RGL1: variants seen among roughly 807,000 people sequenced by gnomAD.
RGL1 encodes ral guanine nucleotide dissociation stimulator-like 1.
In RGL1, 24 loss-of-function variants were observed where a neutral mutation model predicts 95.2. That is an observed-to-expected ratio of 0.25 (90% CI 0.18 to 0.35). The LOEUF (loss-of-function observed/expected upper bound fraction) is 0.35. Among genes scored for constraint, RGL1 ranks in the 10% least tolerant of loss-of-function variants. The pLI, the probability that RGL1 is intolerant of heterozygous loss-of-function variation, is 1.00. For missense variants in RGL1, 715 were observed against 936.3 expected (o/e 0.76, Z 3.08); for synonymous variants, 329 against 344.9 (o/e 0.95, Z 0.51).
chr1:183,887,175 TTTTC>T (rs1667159525), intron 7 of RGL1, among the ~76,000 whole-genome samples: 1 of 1,454 alleles, frequency 6.9e-4, no homozygotes, highest in African/African-American at 2.4e-3. Context: ...TCCCTCCCTC[TTTTC>T]CTCCCTCCCT....
intron 2 of RGL1, among the ~76,000 whole-genome samples, chr1:183,845,800 A>G (rs1002976558): frequency 6.6e-6 from 1 of 152,230 alleles, no homozygotes; most frequent in African/African-American, 2.4e-5. Flanking sequence ...TCAAGCTATC[A>G]ACATGATTTC....
At chr1:183,805,429 G>T in intron 1 of RGL1, 105 bp downstream of exon 1, 1 of 965,330 alleles carries the variant, frequency 1.0e-6, no homozygotes, top group Non-Finnish European at 1.6e-6. Flanking sequence ...GGAGCAATCC[G>T]ATTCCATACT....
chr1:183,646,051 T>C (rs1252030232), intron 1 of RGL1, among the ~76,000 whole-genome samples: 1 of 152,242 alleles, frequency 6.6e-6, no homozygotes, highest in African/African-American at 2.4e-5. Flanking sequence ...CATGTTGTAG[T>C]CTGCCATTTT....
At chr1:183,748,835 G>A (rs114575261) in intron 2 of RGL1, among the ~76,000 whole-genome samples, 2,333 of 152,180 alleles carry the variant, frequency 0.015, 74 homozygotes, top group African/African-American at 0.054. Context: ...GTTCTCACTG[G>A]TTTCAAAGGA....
chr1:183,713,357 G>GA (rs1037487887), intron 1 of RGL1, among the ~76,000 whole-genome samples: 5 of 64,620 alleles, frequency 7.7e-5, no homozygotes, highest in African/African-American at 1.5e-4. Flanking sequence ...TTGCCTTTTT[G>GA]AAAAAAAAAT....
chr1:183,712,790 A>G (rs1048618865), intron 1 of RGL1, among the ~76,000 whole-genome samples: 3 of 152,206 alleles, frequency 2.0e-5, no homozygotes, highest in African/African-American at 7.2e-5. Flanking sequence ...GAATTGTGGA[A>G]ATCAAGTTTT....
chr1:183,811,840 T>C (rs1016543944), intron 2 of RGL1, among the ~76,000 whole-genome samples: 4 of 152,246 alleles, frequency 2.6e-5, no homozygotes, highest in African/African-American at 9.6e-5. Context: ...AGAGGCACAT[T>C]AATTCCTTAT....
intron 1 of RGL1, among the ~76,000 whole-genome samples, chr1:183,659,708 A>G (rs373326925): frequency 6.6e-6 from 1 of 151,720 alleles, no homozygotes; most frequent in Non-Finnish European, 1.5e-5. Flanking sequence ...TACAGAGAAC[A>G]CCACAAAGAT....
chr1:183,675,523 A>G lies in RGL1; in HGVS notation c.-33+39022A>G, dbSNP rs137915098. Among the ~76,000 whole-genome samples, 179 of 152,296 alleles carry G rather than the reference A, an allele frequency of 1.2e-3. No homozygotes were observed. The Middle Eastern group carries it at 0.027, about 23-fold the overall frequency. ...ATATGATTTAGAATAATGGAACCTC[A>G]GATTTGGAAAGAACCCAAGGATTCC... is the stretch of plus-strand genomic sequence containing the variant. On this transcript the variant is annotated intron_variant, in intron 1 of 18. Coordinates refer to the RGL1 transcript ENST00000304685.
At chr1:183,712,393 C>T (rs1002974226) in intron 1 of RGL1, among the ~76,000 whole-genome samples, 2 of 152,220 alleles carry the variant, frequency 1.3e-5, no homozygotes, top group East Asian at 3.8e-4. Context: ...ATTTTTAGTT[C>T]AGCTGCAATA....
chr1:183,645,363 C>A (rs192358680), intron 1 of RGL1, among the ~76,000 whole-genome samples: 47 of 152,286 alleles, frequency 3.1e-4, no homozygotes, highest in African/African-American at 1.1e-3. Context: ...GCTAAGACCC[C>A]CAAACCCTGG....
chr1:183,773,491 G>A (rs1659414780), intron 2 of RGL1, among the ~76,000 whole-genome samples: 1 of 152,178 alleles, frequency 6.6e-6, no homozygotes, highest in Non-Finnish European at 1.5e-5. Flanking sequence ...AGGATTTCTG[G>A]GAATTAGTGG....
At chr1:183,731,269 A>G (rs920572278) in intron 1 of RGL1, among the ~76,000 whole-genome samples, 1 of 152,192 alleles carries the variant, frequency 6.6e-6, no homozygotes, top group African/African-American at 2.4e-5. Flanking sequence ...TTCTGTGGCA[A>G]AAATTTACAT....
chr1:183,902,401 T>A (rs976508344), intron 11 of RGL1, among the ~76,000 whole-genome samples, 167 bp from the exon 12 acceptor site: 15 of 152,344 alleles, frequency 9.8e-5, no homozygotes, highest in African/African-American at 2.9e-4. Context: ...ATACTTTTTT[T>A]AAAAGCAAAA....
intron 2 of RGL1, among the ~76,000 whole-genome samples, chr1:183,844,460 C>G (rs1331519322): frequency 6.6e-6 from 1 of 152,178 alleles, no homozygotes; most frequent in African/African-American, 2.4e-5. Context: ...ATGCTGCATA[C>G]CATACCCCTC....
intron 2 of RGL1, among the ~76,000 whole-genome samples, chr1:183,794,785 A>G (rs1007667808): frequency 6.6e-5 from 10 of 152,202 alleles, no homozygotes; most frequent in African/African-American, 2.4e-4. Context: ...TGGTTAACAC[A>G]GCCTTAATAA....
chr1:183,888,764 C>A (rs899744498), intron 8 of RGL1, among the ~76,000 whole-genome samples, 187 bp downstream of exon 8: 22 of 152,290 alleles, frequency 1.4e-4, no homozygotes, highest in African/African-American at 4.6e-4. Flanking sequence ...CTGCAGAAAT[C>A]AAACTCATTC....
At chr1:183,908,745 T>G (rs781213907) in intron 14 of RGL1, among the ~76,000 whole-genome samples, 7 of 152,126 alleles carry the variant, frequency 4.6e-5, no homozygotes, top group Non-Finnish European at 7.4e-5. Flanking sequence ...CAGAAGGAAT[T>G]GGGAGCTTCT....
intron 16 of RGL1, among the ~76,000 whole-genome samples, chr1:183,918,560 T>A (rs539019782): frequency 1.3e-5 from 2 of 152,324 alleles, no homozygotes; most frequent in South Asian, 4.1e-4. Context: ...CTGCTCAGTC[T>A]GGGGGGAACT....
Sources: allele counts gnomAD v4.1 joint callset (sites outside exome capture counted in the v4.1 genomes callset), GRCh38; gene constraint gnomAD v4.1.1; transcripts MANE v1.5; gene names NCBI Gene and HGNC (gene_info 2026-07-23, HGNC 2026-07-21).